The following RRM2 variants were observed in gnomAD, a reference collection of about 807,000 sequenced individuals.
The protein encoded by RRM2 is ribonucleotide reductase regulatory subunit M2.
RRM2 carries 6 observed loss-of-function variants against 45.9 expected under a neutral mutation model. The observed-to-expected ratio is 0.13, with a 90% CI of 0.07 to 0.26. The LOEUF (loss-of-function observed/expected upper bound fraction) is 0.26, where lower values mean the gene tolerates loss of function less well. Among genes scored for constraint, RRM2 ranks in the 10% least tolerant of loss-of-function variants. The pLI is 1.00. For missense variants in RRM2, 343 were observed against 489.5 expected (o/e 0.70, Z 2.82); for synonymous variants, 177 against 173.0 (o/e 1.02, Z -0.18).
At chr2:10,140,866 G>A (rs551325446), upstream of RRM2, among the ~76,000 whole-genome samples, 46 of 152,150 alleles carry the variant, frequency 3.0e-4, 1 homozygote, top group African/African-American at 9.4e-4. Context: ...ATGAGCACTC[G>A]CAGCCACCAG....
chr2:10,163,546 GGTCT>G (rs1437146956), intron 3 of RRM2, among the ~76,000 whole-genome samples: 6 of 152,122 alleles, frequency 3.9e-5, no homozygotes, highest in Admixed American at 3.9e-4. Flanking sequence ...AGTTTCCCCG[GGTCT>G]GCAAAATGAG....
chr2:10,135,922 G>A (rs886718208), downstream of RRM2, among the ~76,000 whole-genome samples: 1 of 152,052 alleles, frequency 6.6e-6, no homozygotes, highest in Non-Finnish European at 1.5e-5. Context: ...TGATGAAGCG[G>A]GTTATTGTCT....
chr2:10,160,324 G>GGGA (rs1306304207), intron 3 of RRM2, among the ~76,000 whole-genome samples: 1 of 152,220 alleles, frequency 6.6e-6, no homozygotes, highest in African/African-American at 2.4e-5. Context: ...TGGGCCCCTG[G>GGGA]GGAGCGGTGC....
intron 3 of RRM2, among the ~76,000 whole-genome samples, chr2:10,180,063 A>G (rs1664012566): frequency 6.6e-6 from 1 of 152,112 alleles, no homozygotes; most frequent in Non-Finnish European, 1.5e-5. Context: ...AGCAGAGGTT[A>G]ATGCCATCCC....
chr2:10,208,547 T>C (rs567969036), intron 3 of RRM2, among the ~76,000 whole-genome samples: 1 of 152,340 alleles, frequency 6.6e-6, no homozygotes, highest in African/African-American at 2.4e-5. Context: ...AGAAGGATTC[T>C]GTAATGGAAA....
chr2:10,199,794 A>AC (rs1319260587), intron 3 of RRM2, among the ~76,000 whole-genome samples: 8,478 of 111,238 alleles, frequency 0.076, 1,098 homozygotes, highest in African/African-American at 0.13. Context: ...AAAAAAAAAA[A>AC]AAAAAAAAAA....
In RRM2 at chr2:10,185,812, A is replaced by T. The variant is rs1374192938; in HGVS notation, n.483-24499A>T. Among the ~76,000 whole-genome samples the T allele has an allele frequency of 6.8e-6, 1 of 146,612 alleles. No individual in the cohort carries two copies. Among genetic ancestry groups the T allele is most frequent in the African/African-American group, 2.5e-5 (1 of 39,266 alleles). ...AGTCTCCCCTAAACTCCAAATCTCTACTCTGACCCTCAGTCTCATCTTCTG... is the reference window on the plus strand; with the variant it reads ...AGTCTCCCCTAAACTCCAAATCTCTTCTCTGACCCTCAGTCTCATCTTCTG... On this transcript the variant is annotated intron_variant and non_coding_transcript_variant, in intron 3 of 3. Coordinates refer to the RRM2 transcript ENST00000381786. The surrounding 1 kb of genome is among the most constrained non-coding windows in gnomAD (Gnocchi z 4.3).
In RRM2 at chr2:10,129,557, G is replaced by A; in HGVS notation, c.*171G>A. On this transcript the variant is annotated 3_prime_UTR_variant, in exon 10 of 10. Coordinates refer to ENST00000304567, the MANE Select transcript of RRM2 (RefSeq NM_001034.4). The surrounding 1 kb of genome is among the most constrained non-coding windows in gnomAD (Gnocchi z 4.8). ...ACCAGTCCTGTCTGTTTATAGTGCT[G>A]GTAGTATCACCTTTTGCCAGAAGGC... 1.4e-6 allele frequency: 1 copy of A among 692,300 alleles called. No homozygotes were observed. Among genetic ancestry groups the A allele is most frequent in the Non-Finnish European group, 2.4e-6 (1 of 421,728 alleles). 42.9% of individuals were successfully genotyped at this position (692,300 alleles called of 1,614,324 possible).
At chr2:10,209,061 T>TTTCTTTCTTTCTTTCTTTCTTTC (rs1558409781) in intron 3 of RRM2, among the ~76,000 whole-genome samples, 5 of 80,152 alleles carry the variant, frequency 6.2e-5, no homozygotes, top group African/African-American at 1.5e-4. Flanking sequence ...TTCTTTCTTT[T>TTTCTTTCTTTCTTTCTTTCTTTC]TTTTTTTTTT....
intron 3 of RRM2, among the ~76,000 whole-genome samples, chr2:10,186,859 T>C (rs958171634): frequency 2.0e-5 from 3 of 152,088 alleles, no homozygotes; most frequent in Non-Finnish European, 4.4e-5. Flanking sequence ...CCTCCACAGA[T>C]TGGGGGCTTG....
intron 3 of RRM2, among the ~76,000 whole-genome samples, chr2:10,207,394 T>G (rs1295841167): frequency 6.6e-6 from 1 of 152,170 alleles, no homozygotes; most frequent in Non-Finnish European, 1.5e-5. Context: ...CGAGGCTCTC[T>G]CTTTGAATGG....
intron 3 of RRM2, among the ~76,000 whole-genome samples, chr2:10,146,524 C>T (rs1450150429): frequency 6.6e-6 from 1 of 152,250 alleles, no homozygotes; most frequent in Non-Finnish European, 1.5e-5. Context: ...TCCATTCAGC[C>T]GTTGCACGGA....
chr2:10,184,242 G>C (rs868621719), intron 3 of RRM2, among the ~76,000 whole-genome samples: 1 of 151,956 alleles, frequency 6.6e-6, no homozygotes, highest in African/African-American at 2.4e-5. Flanking sequence ...GACCAGCACC[G>C]GCCTGGTAGT....
intron 3 of RRM2, among the ~76,000 whole-genome samples, chr2:10,194,876 G>A (rs1664381336): frequency 6.6e-6 from 1 of 152,184 alleles, no homozygotes; most frequent in Non-Finnish European, 1.5e-5. Context: ...TGGGAAACAT[G>A]CGAGTTCCAT....
chr2:10,123,150 C>T, intron 2 of RRM2, 93 bp downstream of exon 2: 4 of 1,401,276 alleles, frequency 2.9e-6, no homozygotes, highest in South Asian at 2.8e-5. Context: ...CACACTCCCG[C>T]CCCGGCTCCT....
chr2:10,194,124 C>T (rs1374356381), intron 3 of RRM2, among the ~76,000 whole-genome samples: 1 of 152,160 alleles, frequency 6.6e-6, no homozygotes, highest in Non-Finnish European at 1.5e-5. Flanking sequence ...TATGAGTCAT[C>T]GTTGAAAGGA....
At chr2:10,187,934 G>A (rs1664202113) in intron 3 of RRM2, among the ~76,000 whole-genome samples, 1 of 152,146 alleles carries the variant, frequency 6.6e-6, no homozygotes, top group African/African-American at 2.4e-5. Flanking sequence ...CTTCCTGTGG[G>A]GACTCTAGAA....
chr2:10,136,632 G>T (rs932253981), upstream of RRM2, among the ~76,000 whole-genome samples: 4 of 152,200 alleles, frequency 2.6e-5, no homozygotes, highest in East Asian at 3.9e-4. Flanking sequence ...AATTAGCCAT[G>T]TGTGGTGGCA....
chr2:10,150,048 T>A (rs1663273370), intron 3 of RRM2, among the ~76,000 whole-genome samples: 1 of 152,202 alleles, frequency 6.6e-6, no homozygotes, highest in Non-Finnish European at 1.5e-5. Context: ...GCGCAGTGGC[T>A]CATGCCTGTA....
Sources: allele counts gnomAD v4.1 joint callset (sites outside exome capture counted in the v4.1 genomes callset), GRCh38; gene constraint gnomAD v4.1.1; non-coding constraint Gnocchi (gnomAD v3.1); transcripts MANE v1.5; gene names NCBI Gene and HGNC (gene_info 2026-07-23, HGNC 2026-07-21).